The following SLC26A1 variants were observed in gnomAD, a reference collection of about 807,000 sequenced individuals.
SLC26A1 encodes sulfate anion transporter 1.
In SLC26A1, 18 loss-of-function variants were observed where a neutral mutation model predicts 14.5. The observed-to-expected ratio is 1.24, with a 90% confidence interval of 0.86 to 1.84. The LOEUF is 1.84. Among genes scored for constraint, SLC26A1 ranks in the 40% most tolerant of loss-of-function variants. The pLI is 0.00. For missense variants in SLC26A1, 1,049 were observed against 1,020.0 expected (o/e 1.03, Z -0.39); for synonymous variants, 505 against 492.0 (o/e 1.03, Z -0.35).
chr4:989,086 G>A lies in SLC26A1; in HGVS notation c.1853C>T (p.Pro618Leu), dbSNP rs1355957808. 1.3e-5 allele frequency: 21 copies of A among 1,598,418 alleles called. No individual in the cohort carries two copies. Among genetic ancestry groups the A allele is most frequent in the East Asian group, 4.6e-5 (2 of 43,796 alleles). ...ACCGGCTGCGTCTAGGAACAGCAGC[G>A]GGGCGCAGTCGATGACCACTGTGTG... The part of the protein sequence containing the change: ...GFHTVVIDCA[P>L]LLFLDAAGVS... The change falls in exon 3 of 3, where the codon CCG becomes CTG. Residue 618 changes from proline (P) to leucine (L), a missense_variant. Transcript: ENST00000398516.
Position 991,386 on chromosome 4 carries a change from G to C in SLC26A1, c.318C>G (p.Phe106Leu). ...LQPIYSLYTS[F>L]FANLIYFLMG... ...TGAGGAAGTAGATGAGGTTGGCGAA[G>C]AAGGACGTATAGAGGCTGTAGATGG... Residue 106 changes from phenylalanine to leucine, a missense_variant, in exon 2 of 3, where the codon TTC (phenylalanine) becomes TTG (leucine). By Grantham distance (22) the Phe-to-Leu change is conservative (BLOSUM62 0). Transcript: ENST00000398516. The C allele has an allele frequency of 6.2e-7, 1 of 1,612,868 alleles. No individual in the cohort carries two copies. Among genetic ancestry groups the C allele is most frequent in the Non-Finnish European group, 8.5e-7 (1 of 1,179,958 alleles).
chr4:980,245 G>T (rs1046431315), intron 2 of SLC26A1, among the ~76,000 whole-genome samples: 2 of 152,202 alleles, frequency 1.3e-5, no homozygotes, highest in African/African-American at 4.8e-5. Context: ...GGGCTCTGGA[G>T]GGGTGATCTC....
chr4:988,528 C>A lies in SLC26A1; in HGVS notation c.*305G>T. 1 of 1,212,612 alleles carries A rather than the reference C, an allele frequency of 8.2e-7. No homozygotes were observed. Among genetic ancestry groups the A allele is most frequent in the Non-Finnish European group, 1.0e-6 (1 of 972,792 alleles). The allele number at this position is 1,212,612 out of a possible 1,614,324, so 75.1% of individuals were successfully genotyped here. ...GGGGACCCTTGTTCAAATAAGATGT[C>A]AACCCTGAGCGTCAGGTCAGGCCCA... On this transcript the variant is annotated 3_prime_UTR_variant, in exon 3 of 3. Transcript: ENST00000398516.
intron 1 of SLC26A1, chr4:992,241 G>A (rs745466678): frequency 6.6e-6 from 3 of 456,742 alleles, no homozygotes; most frequent in South Asian, 1.6e-5. Context: ...GTTGGCAAAC[G>A]GTCCTGCTGT....
chr4:982,643 G>A (rs181484187), intron 2 of SLC26A1, among the ~76,000 whole-genome samples: 1 of 152,336 alleles, frequency 6.6e-6, no homozygotes, highest in East Asian at 1.9e-4. Context: ...TAAGCCACTG[G>A]GCCATTGCCC....
At chr4:985,682 A>T (rs1048534881), downstream of SLC26A1, among the ~76,000 whole-genome samples, 16 of 151,638 alleles carry the variant, frequency 1.1e-4, no homozygotes, top group East Asian at 1.9e-4. Flanking sequence ...TTCTTAATGA[A>T]TTTTTTTGTA....
At chr4:982,526 C>A (rs1314627753) in intron 2 of SLC26A1, among the ~76,000 whole-genome samples, 2 of 152,232 alleles carry the variant, frequency 1.3e-5, no homozygotes, top group South Asian at 2.1e-4. Flanking sequence ...CTGCTCCACC[C>A]CTGCCCGGAC....
chr4:987,142 G>A (rs1200710862), downstream of SLC26A1: 2 of 1,419,078 alleles, frequency 1.4e-6, no homozygotes, highest in Non-Finnish European at 9.2e-7. Flanking sequence ...GCTCCTGGCC[G>A]CGCCCCCGGT....
At chr4:987,015 C>T, downstream of SLC26A1, 1 of 1,464,354 alleles carries the variant, frequency 6.8e-7, no homozygotes, top group Admixed American at 2.1e-5. Flanking sequence ...GGGTGCGCGC[C>T]CAGACTCCGA....
chr4:989,158 C>T lies in SLC26A1; in HGVS notation c.1781G>A (p.Gly594Asp), dbSNP rs950995858. 8.1e-6 allele frequency: 13 copies of T among 1,607,274 alleles called. No homozygotes were observed. The Middle Eastern group carries it at 6.6e-4, about 82-fold the overall frequency. ...CAGCGCAGCCCTGGTGCTAACCGGG[C>T]CCAGGTCCTCGCCCTGGGCAGGGCC... The part of the protein sequence containing the change: ...EGGPAQGEDL[G>D]PVSTRAALVP... The change falls in exon 3 of 3, where the codon GGC becomes GAC. Residue 594 changes from glycine to aspartate, a missense_variant. Transcript: ENST00000398516.
chr4:990,865 A>G, intron 2 of SLC26A1: 2 of 492,536 alleles, frequency 4.1e-6, no homozygotes, highest in Admixed American at 7.4e-5. Context: ...CCACAGCCAC[A>G]CCTGGCCTGC....
chr4:992,199 G>C, intron 1 of SLC26A1: 1 of 459,638 alleles, frequency 2.2e-6, no homozygotes, highest in Non-Finnish European at 4.4e-6. Flanking sequence ...CCTGAGTCCA[G>C]CTGCTCCGTG....
rs1041395598 is a variant in SLC26A1, at chr4:990,174, G to A, written c.765C>T (p.Gly255=). The change falls in exon 3 of 3, where the codon GGC becomes GGT. Residue 255 remains glycine, a synonymous_variant. Transcript: ENST00000398516. The part of the protein sequence containing the change: ...VVLTWLSLLR[G]AGQANVCDVV... ...CGTCGCACACGTTGGCCTGCCCGGC[G>A]CCGCGCAGCAGGCTCAGCCATGTGA... The A allele has an allele frequency of 1.3e-5, 21 of 1,560,384 alleles. No individual in the cohort carries two copies. Among genetic ancestry groups the A allele is most frequent in the East Asian group, 4.8e-5 (2 of 41,948 alleles).
intron 2 of SLC26A1, chr4:990,858 C>T (rs1714234661): frequency 2.1e-6 from 1 of 485,782 alleles, no homozygotes; most frequent in African/African-American, 2.0e-5. Context: ...CACTGAGCCA[C>T]AGCCACACCT....
chr4:986,956 C>A (rs1577506494), downstream of SLC26A1: 4 of 788,226 alleles, frequency 5.1e-6, no homozygotes, highest in East Asian at 1.4e-4. Flanking sequence ...CCCTCCCACC[C>A]GGCCATCGCC....
downstream of SLC26A1, chr4:987,255 C>T (rs1456468706): frequency 2.0e-6 from 3 of 1,513,996 alleles, no homozygotes; most frequent in Admixed American, 4.0e-5. Flanking sequence ...GAGCGCTCCG[C>T]GGCCTCCGGG....
At chr4:981,471 A>ACAAT (rs76824732) in intron 2 of SLC26A1, among the ~76,000 whole-genome samples, 14,843 of 151,678 alleles carry the variant, frequency 0.098, 968 homozygotes, top group South Asian at 0.2. Context: ...GACCCTATCT[A>ACAAT]CAATCAATCA....
At chr4:983,013 G>A (rs1713593356), downstream of SLC26A1, among the ~76,000 whole-genome samples, 1 of 152,254 alleles carries the variant, frequency 6.6e-6, no homozygotes, top group Admixed American at 6.5e-5. Context: ...TGAGGCGACA[G>A]GCGCGGGCCT....
Position 979,521 on chromosome 4 carries a change from G to A in SLC26A1, c.577-17C>T, listed in dbSNP as rs369045881. The A allele has an allele frequency of 3.3e-5, 54 of 1,612,950 alleles. No individual in the cohort carries two copies. The African/African-American group carries it at 4.5e-4, about 14-fold the overall frequency. On this transcript the variant is annotated splice_polypyrimidine_tract_variant and intron_variant, in intron 2 of 2. Transcript: ENST00000398520. Reference sequence around the variant, plus strand: ...CCAGGACGTCTGGAAGGAAGTGGCCGGGAAGGGCATGGTGGAGGCCGCTGA... The same window carrying A: ...CCAGGACGTCTGGAAGGAAGTGGCCAGGAAGGGCATGGTGGAGGCCGCTGA...
Sources: allele counts gnomAD v4.1 joint callset (sites outside exome capture counted in the v4.1 genomes callset), GRCh38; gene constraint gnomAD v4.1.1; transcripts MANE v1.5; gene names NCBI Gene and HGNC (gene_info 2026-07-23, HGNC 2026-07-21).